ACTN3: variants seen among roughly 807,000 people sequenced by gnomAD.
ACTN3 encodes the protein alpha-actinin-3.
In ACTN3, 91 loss-of-function variants were observed where a neutral mutation model predicts 119.6. The ratio of observed to expected loss-of-function variants is 0.76; its 90% CI spans 0.64 to 0.91. The LOEUF (loss-of-function observed/expected upper bound fraction) is 0.91, where lower values mean the gene tolerates loss of function less well. Ranked by LOEUF, ACTN3 falls within the 40% of genes least tolerant of loss-of-function variation. The pLI is 0.00. For missense variants in ACTN3, 1,221 were observed against 1,215.1 expected, an observed-to-expected ratio of 1.00 and a Z score of -0.07; for synonymous variants, 456 against 478.8, an observed-to-expected ratio of 0.95 and a Z score of 0.62.
chr11:66,556,520 G>C (rs1857594171), intron 8 of ACTN3, among the ~76,000 whole-genome samples: 1 of 152,174 alleles, frequency 6.6e-6, no homozygotes, highest in African/African-American at 2.4e-5. Flanking sequence ...CGTGATCACG[G>C]CTCATTGCTG....
chr11:66,555,085 C>T (rs1168577610), intron 5 of ACTN3, 45 bp from the exon 6 acceptor site: 1 of 1,591,718 alleles, frequency 6.3e-7, no homozygotes, highest in East Asian at 2.2e-5. Flanking sequence ...GAGAACGGGG[C>T]CCCAGCTTGA....
At position 66,558,071 on chromosome 11, in the gene ACTN3, C is replaced by A; in HGVS notation, c.1173C>A (p.Gly391=). ...GGGGGCTGGAGCAGGTGGAAAAGGG[C>A]TATGAGGACTGGCTGCTCTCGGAGA... The part of the protein sequence containing the change: ...AWRGLEQVEK[G]YEDWLLSEIR... Residue 391 remains glycine (G), a synonymous_variant, in exon 11 of 21, where the codon GGC becomes GGA. Coordinates refer to ENST00000513398, the MANE Select transcript of ACTN3 (RefSeq NM_001104.4). The A allele has an allele frequency of 2.5e-6, 4 of 1,613,920 alleles. No homozygotes were observed. The South Asian group carries it at 4.4e-5, about 18-fold the overall frequency.
chr11:66,562,207 G>C, intron 18 of ACTN3, 39 bp downstream of exon 18: 1 of 1,613,848 alleles, frequency 6.2e-7, no homozygotes, highest in Non-Finnish European at 8.5e-7. Context: ...AGACACTTGG[G>C]GGCTGGTGGA....
In ACTN3 at chr11:66,560,761, T is replaced by G; in HGVS notation, c.1860+6T>G. 6.2e-7 allele frequency: 1 copy of G among 1,602,054 alleles called. No individual in the cohort carries two copies. Among genetic ancestry groups the G allele is most frequent in the Non-Finnish European group, 8.5e-7 (1 of 1,171,160 alleles). The stretch of plus-strand genomic sequence containing the variant: ...TCAACACCAAGTGGGATATGGTCAG[T>G]GCCACCTGCAGCCTTCCTCCCACCC... On this transcript the variant is annotated splice_donor_region_variant and intron_variant, in intron 15 of 20. Coordinates refer to ENST00000513398, the MANE Select transcript of ACTN3 (RefSeq NM_001104.4).
Position 66,556,157 on chromosome 11 carries a change from C to T in ACTN3, c.731C>T (p.Thr244Ile), listed in dbSNP as rs528786989. 1.9e-6 allele frequency: 3 copies of T among 1,613,782 alleles called. No homozygotes were observed. The highest frequency in any genetic ancestry group is 2.2e-5 in the East Asian group (1 of 44,822). ...TGTCCTCCCCTAGACATTGTGAACA[C>T]CCCAAAGCCGGATGAGAAGGCCATC... ...KMLDAEDIVN[T>I]PKPDEKAIMT... The change falls in exon 8 of 21, where the codon ACC becomes ATC. Residue 244 changes from threonine to isoleucine, a missense_variant. Around this residue, in one of 3 missense-constraint regions of ACTN3, gnomAD observed 934 missense variants for 899.9 expected, o/e 1.04. Coordinates refer to ENST00000513398, the MANE Select transcript of ACTN3 (RefSeq NM_001104.4).
intron 11 of ACTN3, chr11:66,558,882 C>A: frequency 4.3e-6 from 1 of 234,948 alleles, no homozygotes; most frequent in Non-Finnish European, 8.1e-6. Context: ...TGGATAGAAA[C>A]ATCCATTCAT....
rs78929709 is a variant in ACTN3 at position 66,557,940 on chromosome 11, C to T, written c.1128+11C>T. 1.4e-3 allele frequency: 2,188 copies of T among 1,613,606 alleles called. 30 individuals carry two copies. The African/African-American group carries it at 0.026, about 19-fold the overall frequency. Reference sequence around the variant, plus strand: ...GGCAAGCTGGTCTCGGTGAGCTCTACACACATTCCCTAGGTGACCTTGAGG... The same window carrying T: ...GGCAAGCTGGTCTCGGTGAGCTCTATACACATTCCCTAGGTGACCTTGAGG... On this transcript the variant is annotated intron_variant, in intron 10 of 20. Coordinates refer to ENST00000513398, the MANE Select transcript of ACTN3 (RefSeq NM_001104.4).
rs771981040 is a variant in ACTN3 at position 66,554,583 on chromosome 11, G to A, written c.517G>A (p.Ala173Thr). 11 of 1,612,568 alleles carry A rather than the reference G, an allele frequency of 6.8e-6. No individual in the cohort carries two copies. Among genetic ancestry groups the A allele is most frequent in the Admixed American group, 6.7e-5 (4 of 59,796 alleles). Residue 173 changes from alanine (A) to threonine (T), a missense_variant, in exon 5 of 21, where the codon GCA becomes ACA. This residue lies in a region of ACTN3 where 239 missense variants were observed against 231.8 expected (regional missense o/e 1.03). Coordinates refer to ENST00000513398, the MANE Select transcript of ACTN3 (RefSeq NM_001104.4). Reference protein sequence around the residue: ...GLLLWCQRKTAPYRNVNVQNF... With the variant: ...GLLLWCQRKTTPYRNVNVQNF... ...GCTTCTGTGGTGCCAGAGGAAGACAGCACCGTACCGCAACGTCAACGTGCA... is the reference window on the plus strand; with the variant it reads ...GCTTCTGTGGTGCCAGAGGAAGACAACACCGTACCGCAACGTCAACGTGCA...
Position 66,547,021 on chromosome 11 carries a change from A to G in ACTN3, c.84A>G (p.Glu28=), listed in dbSNP as rs1277746457. The part of the protein sequence containing the change: ...AGGGGGGEYM[E]QEEDWDRDLL... ...GCGGCGGGGGCGGCGAGTACATGGA[A>G]CAGGAGGAGGACTGGGACCGCGACC... The change falls in exon 1 of 21, where the codon GAA becomes GAG. Residue 28 remains glutamate (E), a synonymous_variant. Coordinates refer to ENST00000513398, the MANE Select transcript of ACTN3 (RefSeq NM_001104.4). 15 of 1,522,066 alleles carry G rather than the reference A, an allele frequency of 9.9e-6. No individual in the cohort carries two copies. Among genetic ancestry groups the G allele is most frequent in the Non-Finnish European group, 1.2e-5 (14 of 1,138,658 alleles). 94.3% of individuals were successfully genotyped at this position (1,522,066 alleles called of 1,614,324 possible).
intron 11 of ACTN3, chr11:66,558,945 T>C (rs1325559171): frequency 6.1e-6 from 2 of 325,784 alleles, no homozygotes; most frequent in Non-Finnish European, 1.1e-5. Context: ...CAGGGGCTCA[T>C]GGGGGTTACA....
At position 66,554,553 on chromosome 11, in the gene ACTN3, G is replaced by C; in HGVS notation, c.487G>C (p.Gly163Arg). The C allele has an allele frequency of 6.2e-7, 1 of 1,610,964 alleles. No homozygotes were observed. The highest frequency in any genetic ancestry group is 8.5e-7 in the Non-Finnish European group (1 of 1,178,386). ...CGACCCAGAAACCTCAGCCAAGGAA[G>C]GCTTGCTTCTGTGGTGCCAGAGGAA... is the stretch of plus-strand genomic sequence containing the variant. ...ISVEETSAKE[G>R]LLLWCQRKTA... Residue 163 changes from glycine (G) to arginine (R), a missense_variant, in exon 5 of 21, where the codon GGC becomes CGC. This residue lies in a region of ACTN3 where 239 missense variants were observed against 231.8 expected (regional missense o/e 1.03). Transcript: ENST00000513398.
Position 66,558,079 on chromosome 11 carries a change from A to G in ACTN3, c.1181A>G (p.Asp394Gly). 1.9e-6 allele frequency: 3 copies of G among 1,613,814 alleles called. No individual in the cohort carries two copies. Among genetic ancestry groups the G allele is most frequent in the Non-Finnish European group, 2.5e-6 (3 of 1,179,868 alleles). ...GLEQVEKGYE[D>G]WLLSEIRRLQ... The stretch of plus-strand genomic sequence containing the variant: ...GAGCAGGTGGAAAAGGGCTATGAGG[A>G]CTGGCTGCTCTCGGAGATCCGGCGC... The change falls in exon 11 of 21, where the codon GAC (aspartate) becomes GGC (glycine). Residue 394 changes from aspartate to glycine, a missense_variant. Around this residue, in one of 3 missense-constraint regions of ACTN3, gnomAD observed 934 missense variants for 899.9 expected, o/e 1.04. Coordinates refer to ENST00000513398, the MANE Select transcript of ACTN3 (RefSeq NM_001104.4).
rs1857823420 is a variant in ACTN3, at chr11:66,562,931, T to C, written c.2524T>C (p.Phe842Leu). The C allele has an allele frequency of 1.2e-6, 2 of 1,613,404 alleles. No individual in the cohort carries two copies. Among genetic ancestry groups the C allele is most frequent in the African/African-American group, 2.7e-5 (2 of 74,880 alleles). Residue 842 changes from phenylalanine (F) to leucine (L), a missense_variant, in exon 20 of 21, where the codon TTC becomes CTC. Physicochemically the swap from Phe to Leu is conservative, Grantham distance 22. Coordinates refer to ENST00000513398, the MANE Select transcript of ACTN3 (RefSeq NM_001104.4). ...CACGACTGAGCAAGTTGTAGCTTCC[T>C]TCAAGATCTTGGCAGGAGACAAGGT... is the stretch of plus-strand genomic sequence containing the variant. The part of the protein sequence containing the change: ...TDTTEQVVAS[F>L]KILAGDKNYI...
Position 66,562,916 on chromosome 11 carries a change from C to A in ACTN3, c.2509C>A (p.Gln837Lys). The change falls in exon 20 of 21, where the codon CAA (glutamine) becomes AAA (lysine). Residue 837 changes from glutamine to lysine, a missense_variant. Physicochemically the swap from Gln to Lys is moderately conservative, Grantham distance 53. This residue lies in a region of ACTN3 where 934 missense variants were observed against 899.9 expected (regional missense o/e 1.04). Coordinates refer to ENST00000513398, the MANE Select transcript of ACTN3 (RefSeq NM_001104.4). ...GACAGCCGAGACTGACACGACTGAGCAAGTTGTAGCTTCCTTCAAGATCTT... is the reference window on the plus strand; with the variant it reads ...GACAGCCGAGACTGACACGACTGAGAAAGTTGTAGCTTCCTTCAAGATCTT... The part of the protein sequence containing the change: ...RETAETDTTE[Q>K]VVASFKILAG... 6.2e-7 allele frequency: 1 copy of A among 1,613,680 alleles called. No homozygotes were observed. The highest frequency in any genetic ancestry group is 8.5e-7 in the Non-Finnish European group (1 of 1,179,720).
chr11:66,553,936 A>C, intron 3 of ACTN3, 109 bp from the exon 4 acceptor site: 1 of 782,590 alleles, frequency 1.3e-6, no homozygotes, highest in Non-Finnish European at 2.1e-6. Context: ...GCCAGCCCTG[A>C]AATGGGAGAC....
Position 66,558,143 on chromosome 11 carries a change from G to A in ACTN3, c.1245G>A (p.Gln415=). Residue 415 remains glutamine, a synonymous_variant, in exon 11 of 21, where the codon CAG becomes CAA. Transcript: ENST00000513398. ...RLQHLAEKFR[Q]KASLHEAWTR... Reference sequence around the variant, plus strand: ...AGCACCTGGCTGAGAAGTTCCGGCAGAAGGCCTCCCTGCACGAAGCCTGGA... The same window carrying A: ...AGCACCTGGCTGAGAAGTTCCGGCAAAAGGCCTCCCTGCACGAAGCCTGGA... 1 of 1,613,774 alleles carries A rather than the reference G, an allele frequency of 6.2e-7. No homozygotes were observed. The highest frequency in any genetic ancestry group is 2.2e-5 in the East Asian group (1 of 44,880).
rs369473048 is a variant in ACTN3 at position 66,557,822 on chromosome 11, C to T, written c.1021C>T (p.Arg341Cys). The T allele has an allele frequency of 2.6e-5, 42 of 1,614,136 alleles. No homozygotes were observed. In the Admixed American group the frequency reaches 5.0e-4, roughly 19 times the overall value. Reference protein sequence around the residue: ...RDYRRLHKPPRIQEKCQLEIN... With the variant: ...RDYRRLHKPPCIQEKCQLEIN... ...CTACCGGCGTCTGCACAAGCCGCCC[C>T]GCATTCAGGAAAAGTGCCAGCTGGA... The change falls in exon 10 of 21, where the codon CGC becomes TGC. Residue 341 changes from arginine to cysteine, a missense_variant. Arg to Cys is a radical substitution (Grantham distance 180). This residue lies in a region of ACTN3 where 934 missense variants were observed against 899.9 expected (regional missense o/e 1.04). Transcript: ENST00000513398.
In ACTN3 at chr11:66,560,757, T is replaced by C. The variant is rs779178793; in HGVS notation, c.1860+2T>C. 21 of 1,606,376 alleles carry C rather than the reference T, an allele frequency of 1.3e-5. No individual in the cohort carries two copies. Among genetic ancestry groups the C allele is most frequent in the South Asian group, 8.8e-5 (8 of 90,556 alleles). On this transcript the variant is annotated splice_donor_variant, in intron 15 of 20. Transcript: ENST00000513398. LOFTEE classifies it high-confidence loss of function. ...GACATCAACACCAAGTGGGATATGG[T>C]CAGTGCCACCTGCAGCCTTCCTCCC...
Position 66,559,358 on chromosome 11 carries a change from C to A in ACTN3, c.1399C>A (p.His467Asn), listed in dbSNP as rs369800588. 17 of 1,560,648 alleles carry A rather than the reference C, an allele frequency of 1.1e-5. No homozygotes were observed. The highest frequency in any genetic ancestry group is 1.4e-5 in the African/African-American group (1 of 70,462). ...DLAAHQDRVE[H>N]IAALAQELNE... ...GGCGGCGCACCAGGACCGCGTGGAG[C>A]ACATTGCCGCGCTGGCCCAGGAGCT... The change falls in exon 12 of 21, where the codon CAC (histidine) becomes AAC (asparagine). Residue 467 changes from histidine (H) to asparagine (N), a missense_variant. Physicochemically the swap from His to Asn is moderately conservative, Grantham distance 68. Around this residue, in one of 3 missense-constraint regions of ACTN3, gnomAD observed 934 missense variants for 899.9 expected, o/e 1.04. Coordinates refer to ENST00000513398, the MANE Select transcript of ACTN3 (RefSeq NM_001104.4).
Sources: gnomAD v4.1 joint callset for allele counts (sites outside exome capture counted in the v4.1 genomes callset) on GRCh38, gnomAD v4.1.1 for gene constraint, gnomAD v4.1.1 regional missense constraint, MANE v1.5 for transcripts, NCBI Gene and HGNC (gene_info 2026-07-23, HGNC 2026-07-21) for gene names.